LRCH3: variants seen among roughly 807,000 people sequenced by gnomAD.
LRCH3 encodes leucine rich repeats and calponin homology domain containing 3.
Under a neutral mutation model 104.5 loss-of-function variants are expected in LRCH3, and 68 were observed. The ratio of observed to expected loss-of-function variants is 0.65; its 90% confidence interval spans 0.54 to 0.80. The LOEUF (loss-of-function observed/expected upper bound fraction) is 0.80. Ranked by LOEUF, LRCH3 falls within the 30% of genes least tolerant of loss-of-function variation. LRCH3 has a pLI of 0.00. For synonymous variants in LRCH3, 344 were observed against 361.3 expected, an observed-to-expected ratio of 0.95 and a Z score of 0.54; for missense variants, 951 against 953.9, an observed-to-expected ratio of 1.00 and a Z score of 0.04.
chr3:197,880,114 T>G (rs1278081039), intron 20 of LRCH3, among the ~76,000 whole-genome samples: 1 of 150,134 alleles, frequency 6.7e-6, no homozygotes, highest in African/African-American at 2.5e-5. Flanking sequence ...CCCGGCTAAT[T>G]TTTTGTATTT....
chr3:197,883,292 G>A lies in LRCH3; in HGVS notation c.2209-249G>A. Reference sequence around the variant, plus strand: ...CCCTCTGTTGTATGTATAGATATATGCTACTTGTCAATTTTCCAATTTTGA... The same window carrying A: ...CCCTCTGTTGTATGTATAGATATATACTACTTGTCAATTTTCCAATTTTGA... On this transcript the variant is annotated intron_variant, in intron 20 of 20. Transcript: ENST00000425562. This position sits in a 1 kb window ranked among gnomAD's most constrained non-coding sequence, Gnocchi z 4.2. 1 of 1,272,374 alleles carries A rather than the reference G, an allele frequency of 7.9e-7. No homozygotes were observed. The highest frequency in any genetic ancestry group is 1.0e-6 in the Non-Finnish European group (1 of 1,004,344). The allele number at this position is 1,272,374 out of a possible 1,614,324, so 78.8% of individuals were successfully genotyped here.
chr3:197,796,329 C>T (rs1294450245), intron 1 of LRCH3, among the ~76,000 whole-genome samples: 1 of 152,064 alleles, frequency 6.6e-6, no homozygotes, highest in Admixed American at 6.6e-5. Flanking sequence ...AGGCATTATG[C>T]TGGGTAATGT....
In LRCH3 at chr3:197,832,331, C is replaced by G. The variant is rs373980523; in HGVS notation, c.1102+14C>G. 1.3e-4 allele frequency: 211 copies of G among 1,611,456 alleles called. No individual in the cohort carries two copies. Among genetic ancestry groups the G allele is most frequent in the Non-Finnish European group, 1.8e-4 (209 of 1,178,448 alleles). ...CAAACGGCGGAGGTAAACATAATTC[C>G]GGTGACAGCTAAAGTGTTTGCAACC... is the stretch of plus-strand genomic sequence containing the variant. On this transcript the variant is annotated intron_variant, in intron 8 of 20. Coordinates refer to ENST00000425562, the MANE Select transcript of LRCH3 (RefSeq NM_001365715.1).
At chr3:197,797,440 G>A (rs116467850) in intron 1 of LRCH3, among the ~76,000 whole-genome samples, 3,317 of 151,766 alleles carry the variant, frequency 0.022, 68 homozygotes, top group East Asian at 0.054. Context: ...CGTAGAGAAT[G>A]GAAAAGGTAG....
At chr3:197,849,001 C>T (rs149978289) in intron 12 of LRCH3, among the ~76,000 whole-genome samples, 6 of 152,268 alleles carry the variant, frequency 3.9e-5, no homozygotes, top group African/African-American at 1.4e-4. Context: ...TGGTGGCTCA[C>T]GCCTGTAGTC....
intron 20 of LRCH3, chr3:197,882,977 A>C: frequency 5.1e-6 from 5 of 985,420 alleles, no homozygotes; most frequent in Non-Finnish European, 6.0e-6. Flanking sequence ...GTTTCTCAAG[A>C]GCTCAGGATA....
Position 197,791,261 on chromosome 3 carries a change from A to C in LRCH3, c.-18A>C. 6.2e-7 allele frequency: 1 copy of C among 1,606,558 alleles called. No individual in the cohort carries two copies. Among genetic ancestry groups the C allele is most frequent in the Non-Finnish European group, 8.5e-7 (1 of 1,177,982 alleles). The stretch of plus-strand genomic sequence containing the variant: ...CGCATGCGCTGAGCTGGCGGGCCCG[A>C]GTGTTGTCGGCTGGGAAATGGCGGC... On this transcript the variant is annotated 5_prime_UTR_variant, in exon 1 of 21. Transcript: ENST00000425562.
chr3:197,822,045 T>TA (rs1734554803), intron 4 of LRCH3, among the ~76,000 whole-genome samples: 1 of 152,242 alleles, frequency 6.6e-6, no homozygotes, highest in South Asian at 2.1e-4. Context: ...ACCAATTTGA[T>TA]ACAGCATAAT....
At chr3:197,881,774 G>C (rs1713793617) in intron 20 of LRCH3, 1 of 985,438 alleles carries the variant, frequency 1.0e-6, no homozygotes, top group Non-Finnish European at 1.2e-6. Context: ...ATGAACTCAA[G>C]TGTGAAGAGA....
intron 20 of LRCH3, among the ~76,000 whole-genome samples, chr3:197,879,728 A>G (rs1446283840): frequency 6.6e-6 from 1 of 152,224 alleles, no homozygotes; most frequent in Non-Finnish European, 1.5e-5. Flanking sequence ...CCCCCGGATC[A>G]TGAGGCTTTC....
chr3:197,824,940 CCT>C, intron 4 of LRCH3, among the ~76,000 whole-genome samples: 1 of 152,198 alleles, frequency 6.6e-6, no homozygotes. Flanking sequence ...TCAGTTACTC[CCT>C]GTTTTGCTGG....
rs895640212 is a variant in LRCH3, at chr3:197,880,501, A to T, written c.2209-3040A>T. 5 of 1,532,902 alleles carry T rather than the reference A, an allele frequency of 3.3e-6. No individual in the cohort carries two copies. The East Asian group carries it at 1.2e-4, about 37-fold the overall frequency. 95.0% of individuals were successfully genotyped at this position (1,532,902 alleles called of 1,614,324 possible). A position where few individuals can be genotyped will look rare whatever the true frequency, so the allele number is the denominator to read the frequency against. On this transcript the variant is annotated intron_variant, in intron 20 of 20. Transcript: ENST00000425562. ...TTTTCTGTTTTCCTTTCCTGCTTAC[A>T]CTTTGGACAGGACAATCTTTGTTCC...
At chr3:197,831,616 C>CTA (rs960675334) in intron 7 of LRCH3, among the ~76,000 whole-genome samples, 135 of 151,318 alleles carry the variant, frequency 8.9e-4, no homozygotes, top group South Asian at 3.6e-3. Context: ...TATTTTAAAT[C>CTA]TATATATATA....
rs532692558 is a variant in LRCH3, at chr3:197,886,145, C to G, written c.*2479C>G. The G allele has an allele frequency of 6.6e-6, 1 of 151,230 alleles. No homozygotes were observed. The highest frequency in any genetic ancestry group is 6.6e-5 in the Admixed American group (1 of 15,168). 9.4% of individuals were successfully genotyped at this position (151,230 alleles called of 1,614,324 possible). ...CTTGAGCCCAGGAGTTTGAGAGCAG[C>G]CTGGGCAACATAGCAAGACCCTGTC... On this transcript the variant is annotated 3_prime_UTR_variant, in exon 21 of 21. Coordinates refer to ENST00000425562, the MANE Select transcript of LRCH3 (RefSeq NM_001365715.1).
At chr3:197,830,909 A>G (rs764749766) in intron 7 of LRCH3, 46 bp downstream of exon 7, 1 of 1,413,132 alleles carries the variant, frequency 7.1e-7, no homozygotes, top group Non-Finnish European at 1.0e-6. Context: ...TGATTAAGAG[A>G]AAACAGAATG....
In LRCH3 at chr3:197,791,369, G is replaced by A. The variant is rs769196910; in HGVS notation, c.91G>A (p.Gly31Ser). The part of the protein sequence containing the change: ...SGGNLPGVHC[G>S]PSSGAGPGFG... Reference sequence around the variant, plus strand: ...AGGTAACCTCCCTGGTGTTCACTGCGGCCCAAGCTCCGGGGCAGGCCCTGG... The same window carrying A: ...AGGTAACCTCCCTGGTGTTCACTGCAGCCCAAGCTCCGGGGCAGGCCCTGG... Residue 31 changes from glycine to serine, a missense_variant, in exon 1 of 21, where the codon GGC becomes AGC. By Grantham distance (56) the Gly-to-Ser change is moderately conservative. Coordinates refer to ENST00000425562, the MANE Select transcript of LRCH3 (RefSeq NM_001365715.1). 1 of 1,602,242 alleles carries A rather than the reference G, an allele frequency of 6.2e-7. No homozygotes were observed. The highest frequency in any genetic ancestry group is 1.1e-5 in the South Asian group (1 of 89,154).
rs1377949063 is a variant in LRCH3, at chr3:197,871,309, T to G, written c.1993-16T>G. On this transcript the variant is annotated splice_polypyrimidine_tract_variant and intron_variant, in intron 18 of 20. Coordinates refer to ENST00000425562, the MANE Select transcript of LRCH3 (RefSeq NM_001365715.1). ...CTTTCTTCAATTAATCTATTACATG[T>G]TTTTTGTTCTTTCAGCATATTGAGT... is the stretch of plus-strand genomic sequence containing the variant. The G allele has an allele frequency of 3.1e-6, 5 of 1,597,966 alleles. No individual in the cohort carries two copies. The Admixed American group carries it at 8.4e-5, about 27-fold the overall frequency.
At position 197,839,174 on chromosome 3, in the gene LRCH3, TTTAAAC is replaced by T. The variant is rs1337758871; in HGVS notation, c.1252-141_1252-136del. ...AAGCAGCAGTATAGCATATGATGCT[TTTAAAC>T]TTAAAGTTTACATTTGAAGAGTCTA... is the stretch of plus-strand genomic sequence containing the variant. On this transcript the variant is annotated intron_variant, in intron 9 of 20. Transcript: ENST00000425562. 1.4e-5 allele frequency: 8 copies of T among 574,622 alleles called. No homozygotes were observed. In the Admixed American group the frequency reaches 2.6e-4, roughly 19 times the overall value. The allele number at this position is 574,622 out of a possible 1,614,324, so 35.6% of individuals were successfully genotyped here. A position where few individuals can be genotyped will look rare whatever the true frequency, so the allele number is the denominator to read the frequency against.
intron 12 of LRCH3, 168 bp from the exon 13 acceptor site, chr3:197,852,393 T>C: frequency 3.1e-6 from 2 of 635,156 alleles, no homozygotes; most frequent in Non-Finnish European, 5.5e-6. Context: ...ATGTATAGTT[T>C]TTAAAATTTC....
Sources: allele counts gnomAD v4.1 joint callset (sites outside exome capture counted in the v4.1 genomes callset), GRCh38; gene constraint gnomAD v4.1.1; non-coding constraint Gnocchi (gnomAD v3.1); transcripts MANE v1.5; gene names NCBI Gene and HGNC (gene_info 2026-07-23, HGNC 2026-07-21).